DZIP1: variants seen among roughly 807,000 people sequenced by gnomAD.
DZIP1 encodes DAZ interacting zinc finger protein 1, also known as cilium assembly protein DZIP1.
In DZIP1, 97 loss-of-function variants were observed where a neutral mutation model predicts 107.6. That is an observed-to-expected ratio of 0.90 (90% CI 0.77 to 1.07). The LOEUF is 1.07. DZIP1 is among the 50% of genes least tolerant of loss of function. DZIP1 has a pLI of 0.00. For missense variants in DZIP1, 1,035 were observed against 1,063.6 expected (o/e 0.97, Z 0.37); for synonymous variants, 390 against 386.4 (o/e 1.01, Z -0.11).
chr13:95,597,767 A>C (rs1014479807), intron 15 of DZIP1, among the ~76,000 whole-genome samples: 1 of 152,190 alleles, frequency 6.6e-6, no homozygotes, highest in African/African-American at 2.4e-5. Context: ...AAAAAACAAC[A>C]ACCAGAATTT....
At chr13:95,592,227 C>A (rs912699710) in intron 16 of DZIP1, among the ~76,000 whole-genome samples, 2 of 151,802 alleles carry the variant, frequency 1.3e-5, no homozygotes, top group African/African-American at 4.8e-5. Flanking sequence ...AGCAAAACAA[C>A]AAACAAAAAA....
At chr13:95,587,993 CAAAT>C in intron 19 of DZIP1, 1 of 370,686 alleles carries the variant, frequency 2.7e-6, no homozygotes, top group Non-Finnish European at 4.9e-6. Context: ...CCTCTAAACC[CAAAT>C]GTGTATATAT....
At chr13:95,605,624 A>G (rs2044749547) in intron 14 of DZIP1, among the ~76,000 whole-genome samples, 1 of 152,228 alleles carries the variant, frequency 6.6e-6, no homozygotes, top group African/African-American at 2.4e-5. Context: ...TGAAAGTTAT[A>G]AAAACAACCA....
rs750861346 is a variant in DZIP1 at position 95,581,403 on chromosome 13, AAATT to A, written c.*827_*830del. On this transcript the variant is annotated 3_prime_UTR_variant, in exon 23 of 23. Transcript: ENST00000376829. ...TCAAATATTTTCTATTTAGTCTGAT[AAATT>A]AATTGGCACTTAAAATAACTATACT... The A allele has an allele frequency of 5.2e-5, 8 of 152,632 alleles. No individual in the cohort carries two copies. Among genetic ancestry groups the A allele is most frequent in the Non-Finnish European group, 8.8e-5 (6 of 68,044 alleles). 9.5% of individuals were successfully genotyped at this position (152,632 alleles called of 1,614,324 possible). A position where few individuals can be genotyped will look rare whatever the true frequency, so the allele number is the denominator to read the frequency against.
At chr13:95,622,799 G>A (rs1417102566) in intron 8 of DZIP1, among the ~76,000 whole-genome samples, 1 of 150,498 alleles carries the variant, frequency 6.6e-6, no homozygotes, top group Non-Finnish European at 1.5e-5. Flanking sequence ...CTAGAGTGCA[G>A]TGATATGATC....
intron 10 of DZIP1, chr13:95,618,088 G>A (rs1875365133): frequency 1.9e-6 from 1 of 513,646 alleles, no homozygotes; most frequent in Non-Finnish European, 3.9e-6. Context: ...TGTTTAGGCT[G>A]AAGATGTAAA....
chr13:95,596,163 T>C (rs2044452057), intron 15 of DZIP1, among the ~76,000 whole-genome samples: 2 of 152,096 alleles, frequency 1.3e-5, no homozygotes, highest in African/African-American at 4.8e-5. Flanking sequence ...AAATAAAGTT[T>C]TTATGTAGAA....
chr13:95,633,741 G>A (rs538010478), intron 5 of DZIP1, among the ~76,000 whole-genome samples: 114 of 149,538 alleles, frequency 7.6e-4, no homozygotes, highest in Middle Eastern at 3.5e-3. Context: ...GCGCTTTCTC[G>A]CTGAACGATA....
rs2043989370 is a variant in DZIP1, at chr13:95,579,824, C to T, written c.*2410G>A. On this transcript the variant is annotated 3_prime_UTR_variant, in exon 23 of 23. Transcript: ENST00000376829. ...GAAAGACATGAAGGTAGATTAGGTC[C>T]TACAGGCCAGTGTGGGACAGGGTTG... 1 of 152,118 alleles carries T rather than the reference C, an allele frequency of 6.6e-6. No individual in the cohort carries two copies. The highest frequency in any genetic ancestry group is 6.5e-5 in the Admixed American group (1 of 15,278). The allele number at this position is 152,118 out of a possible 1,614,324, so 9.4% of individuals were successfully genotyped here. A position where few individuals can be genotyped will look rare whatever the true frequency, so the allele number is the denominator to read the frequency against.
intron 19 of DZIP1, 81 bp from the exon 20 acceptor site, chr13:95,587,810 A>G: frequency 7.0e-7 from 1 of 1,436,324 alleles, no homozygotes; most frequent in Non-Finnish European, 9.3e-7. Context: ...TGCCTCTTAA[A>G]GTGGTGGCAC....
chr13:95,616,484 A>G (rs1368579176), intron 10 of DZIP1, among the ~76,000 whole-genome samples: 3 of 152,240 alleles, frequency 2.0e-5, no homozygotes, highest in Admixed American at 6.5e-5. Context: ...GGAGAGCTAA[A>G]TAGACAGAGC....
rs757428464 is a variant in DZIP1, at chr13:95,586,040, A to G, written c.2315T>C (p.Met772Thr). Residue 772 changes from methionine (M) to threonine (T), a missense_variant, in exon 21 of 23, where the codon ATG becomes ACG. Transcript: ENST00000376829. ...TTGTAATTCTTCTTTTTTGATAAACATCTCAGGGACATTAGTTCCACCGAC... is the reference window on the plus strand; with the variant it reads ...TTGTAATTCTTCTTTTTTGATAAACGTCTCAGGGACATTAGTTCCACCGAC... Reference protein sequence around the residue: ...KPVGGTNVPEMFIKKEELQEL... With the variant: ...KPVGGTNVPETFIKKEELQEL... The G allele has an allele frequency of 4.4e-6, 7 of 1,604,596 alleles. No homozygotes were observed. The Admixed American group carries it at 1.0e-4, about 24-fold the overall frequency.
At chr13:95,605,935 G>T in intron 14 of DZIP1, 68 bp downstream of exon 14, 2 of 1,475,980 alleles carry the variant, frequency 1.4e-6, no homozygotes, top group Non-Finnish European at 1.9e-6. Context: ...AATCACTTTT[G>T]GTTAATAAGT....
In DZIP1 at chr13:95,594,055, G is replaced by T. The variant is rs2044379640; in HGVS notation, c.1569C>A (p.Asn523Lys). 1.2e-6 allele frequency: 2 copies of T among 1,606,714 alleles called. No individual in the cohort carries two copies. The highest frequency in any genetic ancestry group is 1.7e-5 in the Admixed American group (1 of 58,880). The change falls in exon 16 of 23, where the codon AAC becomes AAA. Residue 523 changes from asparagine (N) to lysine (K), a missense_variant. Physicochemically the swap from Asn to Lys is moderately conservative, Grantham distance 94. Transcript: ENST00000376829. ...TCAAAGCTTTCCTTAAATGCATTTTGTTGTTATTTAATTTCTGTTCATTTT... is the reference window on the plus strand; with the variant it reads ...TCAAAGCTTTCCTTAAATGCATTTTTTTGTTATTTAATTTCTGTTCATTTT... ...GRENEQKLNN[N>K]KMHLRKALKS...
intron 13 of DZIP1, among the ~76,000 whole-genome samples, chr13:95,608,550 CCTT>C (rs556139515): frequency 6.3e-4 from 95 of 151,342 alleles, no homozygotes; most frequent in Non-Finnish European, 1.2e-3. Flanking sequence ...ACCTTTCTGT[CCTT>C]CTCTGAAATG....
intron 10 of DZIP1, among the ~76,000 whole-genome samples, chr13:95,613,254 T>A (rs1233780124): frequency 6.6e-6 from 1 of 152,216 alleles, no homozygotes; most frequent in African/African-American, 2.4e-5. Flanking sequence ...GGCTCGTGCA[T>A]GTAATCCCAG....
chr13:95,643,528 C>T (rs915199095), intron 2 of DZIP1, 73 bp downstream of exon 2: 21 of 152,584 alleles, frequency 1.4e-4, no homozygotes, highest in African/African-American at 4.8e-4. Flanking sequence ...CTTACTTGCT[C>T]CCTGATCTAG....
intron 5 of DZIP1, among the ~76,000 whole-genome samples, chr13:95,640,390 C>A (rs990217172): frequency 6.6e-6 from 1 of 152,200 alleles, no homozygotes; most frequent in Non-Finnish European, 1.5e-5. Flanking sequence ...GCACCCAGTT[C>A]TCTCCAGCAT....
chr13:95,631,491 A>C (rs942206983), intron 6 of DZIP1, among the ~76,000 whole-genome samples: 2 of 152,068 alleles, frequency 1.3e-5, no homozygotes, highest in African/African-American at 4.8e-5. Flanking sequence ...AAAACGATAA[A>C]AATAAGAATT....
Sources: gnomAD v4.1 joint callset for allele counts (sites outside exome capture counted in the v4.1 genomes callset) on GRCh38, gnomAD v4.1.1 for gene constraint, MANE v1.5 for transcripts, NCBI Gene and HGNC (gene_info 2026-07-23, HGNC 2026-07-21) for gene names.